Variants in ADAM9 observed in about 807,000 individuals in gnomAD.
ADAM9 encodes the protein ADAM metallopeptidase domain 9.
A neutral mutation model predicts 108.1 loss-of-function variants in ADAM9; 54 were observed. The observed-to-expected ratio is 0.50, with a 90% confidence interval of 0.40 to 0.63. The LOEUF is 0.63. Ranked by LOEUF, ADAM9 falls within the 20% of genes least tolerant of loss-of-function variation. The pLI, the probability that ADAM9 is intolerant of heterozygous loss-of-function variation, is 0.00. For synonymous variants in ADAM9, 316 were observed against 336.0 expected (o/e 0.94, Z 0.65); for missense variants, 830 against 997.7 (o/e 0.83, Z 2.26).
intron 1 of ADAM9, among the ~76,000 whole-genome samples, chr8:39,005,159 G>A (rs1231142123): frequency 6.6e-6 from 1 of 152,084 alleles, no homozygotes; most frequent in African/African-American, 2.4e-5. Flanking sequence ...TCTATCTTCT[G>A]TGACTTCTTC....
intron 12 of ADAM9, among the ~76,000 whole-genome samples, chr8:39,052,461 G>A (rs1281468008): frequency 6.6e-6 from 1 of 151,890 alleles, no homozygotes; most frequent in Non-Finnish European, 1.5e-5. Flanking sequence ...TTTAAATGAA[G>A]GCAAACTTAC....
chr8:39,067,809 C>T (rs1244988258), intron 14 of ADAM9, among the ~76,000 whole-genome samples: 1 of 152,198 alleles, frequency 6.6e-6, no homozygotes, highest in Non-Finnish European at 1.5e-5. Flanking sequence ...GAGAGGGCAT[C>T]CCTGTCTTGT....
chr8:39,017,496 A>T, intron 6 of ADAM9, 82 bp downstream of exon 6: 2 of 1,403,452 alleles, frequency 1.4e-6, no homozygotes, highest in Non-Finnish European at 2.0e-6. Context: ...CAATACTATG[A>T]GTAGTGTTTT....
chr8:39,076,914 T>A (rs2129441857), intron 15 of ADAM9, among the ~76,000 whole-genome samples: 1 of 152,296 alleles, frequency 6.6e-6, no homozygotes, highest in South Asian at 2.1e-4. Flanking sequence ...TTTATAAAAT[T>A]ATACTTAGAA....
At chr8:39,006,755 A>G (rs968352886) in intron 1 of ADAM9, among the ~76,000 whole-genome samples, 2 of 152,048 alleles carry the variant, frequency 1.3e-5, no homozygotes, top group Admixed American at 6.6e-5. Context: ...TGCTTAAGAC[A>G]TCATGATTCC....
In ADAM9 at chr8:39,030,008, T is replaced by C. The variant is rs138904631; in HGVS notation, c.1130+3198T>C. 5.6e-4 allele frequency among the ~76,000 whole-genome samples: 86 copies of C among 152,264 alleles called. 1 individual carries two copies. Among genetic ancestry groups the C allele is most frequent in the African/African-American group, 2.0e-3 (82 of 41,546 alleles). On this transcript the variant is annotated intron_variant, in intron 11 of 21. Transcript: ENST00000487273. Reference sequence around the variant, plus strand: ...GGAAAGTAGAAAGACTCCTCCCATATACTTTCTGTCCCCACACTTGCATAG... The same window carrying C: ...GGAAAGTAGAAAGACTCCTCCCATACACTTTCTGTCCCCACACTTGCATAG...
At chr8:39,001,585 G>A (rs59451782) in intron 1 of ADAM9, among the ~76,000 whole-genome samples, 3,253 of 151,592 alleles carry the variant, frequency 0.021, 130 homozygotes, top group African/African-American at 0.075. Context: ...GTAAAGATGG[G>A]TAAATATTTA....
intron 2 of ADAM9, among the ~76,000 whole-genome samples, chr8:39,009,911 G>GGAGAGAGA (rs138490995): frequency 8.3e-5 from 7 of 84,720 alleles, no homozygotes; most frequent in Non-Finnish European, 1.4e-4. Flanking sequence ...GGGGGGGCAG[G>GGAGAGAGA]GAGAGAGAGA....
At chr8:39,052,917 T>C (rs1377656063) in intron 12 of ADAM9, among the ~76,000 whole-genome samples, 2 of 152,188 alleles carry the variant, frequency 1.3e-5, no homozygotes, top group Non-Finnish European at 2.9e-5. Context: ...CAAACTGTTT[T>C]CTAAAGTGAT....
At chr8:39,062,728 G>T (rs765510574) in intron 14 of ADAM9, among the ~76,000 whole-genome samples, 133 of 152,206 alleles carry the variant, frequency 8.7e-4, no homozygotes, top group Middle Eastern at 6.8e-3. Flanking sequence ...CTACTATAAG[G>T]TCTGCCCTTT....
intron 2 of ADAM9, among the ~76,000 whole-genome samples, chr8:39,009,676 G>C (rs1198668059): frequency 6.6e-6 from 1 of 152,100 alleles, no homozygotes; most frequent in Non-Finnish European, 1.5e-5. Flanking sequence ...TTTATGCTTT[G>C]GTTAATATTT....
chr8:39,087,237 C>T (rs1210653185), intron 18 of ADAM9, among the ~76,000 whole-genome samples: 1 of 152,160 alleles, frequency 6.6e-6, no homozygotes, highest in African/African-American at 2.4e-5. Context: ...TTCTAAGGCT[C>T]ACATTTTTTT....
chr8:39,097,236 TC>T (rs1162652512), intron 20 of ADAM9, among the ~76,000 whole-genome samples: 1 of 152,038 alleles, frequency 6.6e-6, no homozygotes, highest in Non-Finnish European at 1.5e-5. Flanking sequence ...TTCTGCAGTC[TC>T]CTAATTGTGG....
At chr8:39,001,070 A>C (rs1212732785) in intron 1 of ADAM9, among the ~76,000 whole-genome samples, 2 of 152,182 alleles carry the variant, frequency 1.3e-5, no homozygotes, top group Non-Finnish European at 2.9e-5. Flanking sequence ...TCATATGAGT[A>C]GACCCCAGGA....
At chr8:38,999,547 A>G (rs1564209361) in intron 1 of ADAM9, among the ~76,000 whole-genome samples, 1 of 152,204 alleles carries the variant, frequency 6.6e-6, no homozygotes, top group Non-Finnish European at 1.5e-5. Flanking sequence ...ACTTAGGTCC[A>G]TACTAATCTC....
At chr8:39,054,602 GAAAAAAAAAAA>G (rs755442483) in intron 13 of ADAM9, 29 bp downstream of exon 13, 43 of 946,052 alleles carry the variant, frequency 4.5e-5, no homozygotes, top group Non-Finnish European at 6.1e-5. Flanking sequence ...TTGGAAACAG[GAAAAAAAAAAA>G]AAAAAAAAAG....
At chr8:39,091,377 T>C (rs1474097757) in intron 20 of ADAM9, 31 bp downstream of exon 20, 13 of 1,578,790 alleles carry the variant, frequency 8.2e-6, no homozygotes, top group Non-Finnish European at 1.1e-5. Context: ...TATTTTTCTT[T>C]ACTGTATTAA....
At chr8:39,030,706 T>A (rs1474430836) in intron 11 of ADAM9, among the ~76,000 whole-genome samples, 1 of 152,214 alleles carries the variant, frequency 6.6e-6, no homozygotes, top group East Asian at 1.9e-4. Flanking sequence ...CCATTTTGTA[T>A]TCCCACCAAC....
Position 39,104,138 on chromosome 8 carries a change from A to C in ADAM9, c.*438A>C, listed in dbSNP as rs903284587. The C allele has an allele frequency of 2.6e-5, 12 of 455,014 alleles. No homozygotes were observed. The highest frequency in any genetic ancestry group is 5.3e-5 in the Non-Finnish European group (12 of 227,608). The allele number at this position is 455,014 out of a possible 1,614,324, so 28.2% of individuals were successfully genotyped here. ...AATCTAATACCTGTGAAAACTGACT[A>C]ATCAGCTGCCAATAATATCTAATAT... On this transcript the variant is annotated 3_prime_UTR_variant, in exon 22 of 22. Coordinates refer to ENST00000487273, the MANE Select transcript of ADAM9 (RefSeq NM_003816.3).
Sources: allele counts gnomAD v4.1 joint callset (sites outside exome capture counted in the v4.1 genomes callset), GRCh38; gene constraint gnomAD v4.1.1; transcripts MANE v1.5; gene names NCBI Gene and HGNC (gene_info 2026-07-23, HGNC 2026-07-21).